FNDC3B: variants seen among roughly 807,000 people sequenced by gnomAD.
FNDC3B encodes the protein fibronectin type III domain-containing protein 3B.
FNDC3B carries 12 observed loss-of-function variants against 151.5 expected under a neutral mutation model. The ratio of observed to expected loss-of-function variants is 0.08; its 90% CI spans 0.05 to 0.13. The LOEUF is 0.13. FNDC3B is among the 10% of genes least tolerant of loss of function. The pLI, the probability that FNDC3B is intolerant of heterozygous loss-of-function variation, is 1.00. For synonymous variants in FNDC3B, 528 were observed against 549.0 expected (o/e 0.96, Z 0.54); for missense variants, 1,214 against 1,505.3 (o/e 0.81, Z 3.20).
chr3:172,388,238 C>T (rs1177505283), intron 25 of FNDC3B, among the ~76,000 whole-genome samples: 2 of 152,160 alleles, frequency 1.3e-5, no homozygotes. Context: ...TCCCAAAAAG[C>T]TCCCTGTTAT....
intron 25 of FNDC3B, among the ~76,000 whole-genome samples, chr3:172,388,116 G>C (rs1415584536): frequency 6.6e-6 from 1 of 152,200 alleles, no homozygotes; most frequent in Non-Finnish European, 1.5e-5. Context: ...GAGGTGTACA[G>C]ATGATAACAT....
rs68014738 is a variant in FNDC3B at position 172,040,278 on chromosome 3, C to G, written c.-29+507C>G. 0.17 allele frequency among the ~76,000 whole-genome samples: 25,601 copies of G among 151,602 alleles called. 2,358 individuals are homozygous for G. Among genetic ancestry groups the G allele is most frequent in the East Asian group, 0.31 (1,561 of 5,060 alleles). The stretch of plus-strand genomic sequence containing the variant: ...TTTCCATATGGTGGAGGGAAGAGGG[C>G]GGGAGTGCGAAGTGGGGCTGGAAGT... On this transcript the variant is annotated intron_variant, in intron 1 of 25. Coordinates refer to ENST00000415807, the MANE Select transcript of FNDC3B (RefSeq NM_022763.4). This position sits in a 1 kb window ranked among gnomAD's most constrained non-coding sequence, Gnocchi z 6.6.
intron 3 of FNDC3B, among the ~76,000 whole-genome samples, chr3:172,183,909 A>G (rs1009497352): frequency 6.6e-6 from 1 of 152,162 alleles, no homozygotes; most frequent in African/African-American, 2.4e-5. Context: ...AATGATTTGC[A>G]TTAATATTAC....
chr3:172,042,424 G>A (rs529380629), intron 1 of FNDC3B, among the ~76,000 whole-genome samples: 2 of 152,256 alleles, frequency 1.3e-5, no homozygotes, highest in African/African-American at 4.8e-5. Flanking sequence ...CTAAGTAGAA[G>A]AACTTACCAC....
chr3:172,297,891 A>G (rs941583632), intron 8 of FNDC3B, among the ~76,000 whole-genome samples: 6 of 152,180 alleles, frequency 3.9e-5, no homozygotes, highest in South Asian at 2.1e-4. Flanking sequence ...ACTTACATTG[A>G]TATGATACTT....
At chr3:172,145,207 A>T (rs1337988062) in intron 3 of FNDC3B, among the ~76,000 whole-genome samples, 2 of 152,146 alleles carry the variant, frequency 1.3e-5, no homozygotes, top group East Asian at 3.9e-4. Context: ...CACTTTATTT[A>T]AAAAGCTCCC....
chr3:172,281,715 T>C (rs1448390201), intron 6 of FNDC3B, among the ~76,000 whole-genome samples: 2 of 152,186 alleles, frequency 1.3e-5, no homozygotes, highest in Non-Finnish European at 2.9e-5. Context: ...CTTGTTTAGT[T>C]GGCTCACACC....
At chr3:172,274,813 G>T (rs1174018929) in intron 6 of FNDC3B, among the ~76,000 whole-genome samples, 1 of 152,074 alleles carries the variant, frequency 6.6e-6, no homozygotes. Context: ...CATCTTCCCT[G>T]TGTGTGTCTG....
intron 3 of FNDC3B, among the ~76,000 whole-genome samples, chr3:172,161,046 A>G (rs561081351): frequency 2.0e-5 from 3 of 152,170 alleles, no homozygotes; most frequent in African/African-American, 7.2e-5. Context: ...TTGTTTTTTA[A>G]TCTTATTTTT....
At chr3:172,331,768 T>C (rs918601338) in intron 13 of FNDC3B, among the ~76,000 whole-genome samples, 5 of 152,130 alleles carry the variant, frequency 3.3e-5, no homozygotes, top group Admixed American at 1.3e-4. Flanking sequence ...CTCCCTTCCC[T>C]CATTTTCTTC....
chr3:172,323,837 CA>C (rs1209787277), intron 11 of FNDC3B, among the ~76,000 whole-genome samples: 4 of 152,006 alleles, frequency 2.6e-5, no homozygotes, highest in Non-Finnish European at 4.4e-5. Context: ...GACTTGAAAC[CA>C]AAAATGCATG....
intron 3 of FNDC3B, among the ~76,000 whole-genome samples, chr3:172,150,742 T>G (rs867471835): frequency 1.3e-5 from 2 of 152,142 alleles, no homozygotes; most frequent in Non-Finnish European, 2.9e-5. Flanking sequence ...AAAAAAAGTT[T>G]GTGGGTACAT....
intron 1 of FNDC3B, among the ~76,000 whole-genome samples, chr3:172,055,749 G>C (rs1278546338): frequency 1.3e-5 from 2 of 151,916 alleles, no homozygotes; most frequent in African/African-American, 4.8e-5. Flanking sequence ...ATGTAGCACT[G>C]ATGAAGGTGA....
chr3:172,210,177 C>T (rs956709326), intron 3 of FNDC3B, among the ~76,000 whole-genome samples: 2 of 152,184 alleles, frequency 1.3e-5, no homozygotes, highest in Non-Finnish European at 2.9e-5. Context: ...ACCGGGATCA[C>T]CTGTTCCCAG....
chr3:172,192,003 C>A (rs1210806365), intron 3 of FNDC3B, among the ~76,000 whole-genome samples: 1 of 152,004 alleles, frequency 6.6e-6, no homozygotes, highest in East Asian at 1.9e-4. Context: ...CATATGTTAC[C>A]AGACCTATAA....
chr3:172,172,717 T>C (rs1363164395), intron 3 of FNDC3B, among the ~76,000 whole-genome samples: 1 of 152,262 alleles, frequency 6.6e-6, no homozygotes, highest in Non-Finnish European at 1.5e-5. Flanking sequence ...ACATACTGAT[T>C]GATGTTTCAG....
intron 4 of FNDC3B, among the ~76,000 whole-genome samples, chr3:172,234,387 G>A (rs1473788460): frequency 2.0e-5 from 3 of 152,164 alleles, no homozygotes; most frequent in African/African-American, 7.2e-5. Context: ...CACATAATAG[G>A]CATTTATCAA....
intron 6 of FNDC3B, among the ~76,000 whole-genome samples, chr3:172,284,215 C>T (rs1729890334): frequency 6.6e-6 from 1 of 152,122 alleles, no homozygotes; most frequent in Admixed American, 6.5e-5. Flanking sequence ...TATATAGCCT[C>T]CCTGTAGCCT....
intron 5 of FNDC3B, among the ~76,000 whole-genome samples, chr3:172,249,218 A>G (rs1443280649): frequency 6.6e-6 from 1 of 152,082 alleles, no homozygotes; most frequent in Non-Finnish European, 1.5e-5. Context: ...TTGGTGACTG[A>G]CTCATTGCTT....
Sources: gnomAD v4.1 joint callset for allele counts (sites outside exome capture counted in the v4.1 genomes callset) on GRCh38, gnomAD v4.1.1 for gene constraint, Gnocchi (gnomAD v3.1) non-coding constraint, MANE v1.5 for transcripts, NCBI Gene and HGNC (gene_info 2026-07-23, HGNC 2026-07-21) for gene names.